LINGO2: variants seen among roughly 807,000 people sequenced by gnomAD.
LINGO2 encodes leucine-rich repeat and immunoglobulin-like domain-containing nogo receptor-interacting protein 2.
LINGO2 carries 14 observed loss-of-function variants against 30.6 expected under a neutral mutation model. That is an observed-to-expected ratio of 0.46 (90% CI 0.30 to 0.72). The LOEUF is 0.72. Among genes scored for constraint, LINGO2 ranks in the 30% least tolerant of loss-of-function variants. The pLI is 0.07. For missense variants in LINGO2, 729 were observed against 751.7 expected (o/e 0.97, Z 0.35); for synonymous variants, 317 against 288.5 (o/e 1.10, Z -1.00).
intron 1 of LINGO2, among the ~76,000 whole-genome samples, chr9:28,503,153 T>C (rs1444602433): frequency 6.6e-6 from 1 of 152,082 alleles, no homozygotes; most frequent in East Asian, 1.9e-4. Context: ...AGAAACACTT[T>C]CTGTATTACT....
intron 1 of LINGO2, among the ~76,000 whole-genome samples, chr9:28,512,659 A>C (rs1820456807): frequency 1.1e-5 from 1 of 92,704 alleles, no homozygotes. Context: ...ACACACACAC[A>C]CACATATGGA....
intron 1 of LINGO2, among the ~76,000 whole-genome samples, chr9:28,577,546 T>A (rs561271217): frequency 2.8e-4 from 43 of 152,282 alleles, no homozygotes; most frequent in African/African-American, 8.2e-4. Context: ...CTAATTTGAA[T>A]AATAAACTCC....
At chr9:28,992,224 T>G in the LINGO2 span, among the ~76,000 whole-genome samples, 120 of 151,734 alleles carry the variant, frequency 7.9e-4, 1 homozygote, top group Non-Finnish European at 1.4e-3. Context: ...TCCTAGTCTC[T>G]GATAAAACAG....
In LINGO2 at chr9:28,272,050, C is replaced by T. The variant is rs75256400; in HGVS notation, c.-87+23158G>A. Among the ~76,000 whole-genome samples, 1,515 of 152,288 alleles carry T rather than the reference C, an allele frequency of 9.9e-3. 33 individuals are homozygous for T. The highest frequency in any genetic ancestry group is 0.052 in the East Asian group (267 of 5,178). On this transcript the variant is annotated intron_variant, in intron 4 of 5. Coordinates refer to ENST00000379992, the Ensembl canonical transcript of LINGO2. ...TTAAAACAATTCCAGTCAACTAAGA[C>T]CTTTCCTGCATCCTTACTTCTTCCC...
the LINGO2 span, among the ~76,000 whole-genome samples, chr9:28,948,322 T>C: frequency 6.6e-6 from 1 of 152,090 alleles, no homozygotes; most frequent in African/African-American, 2.4e-5. Flanking sequence ...ATAAAAACCA[T>C]AATACAATAA....
chr9:27,975,847 T>TA (rs1406976450), intron 5 of LINGO2, among the ~76,000 whole-genome samples: 1 of 152,142 alleles, frequency 6.6e-6, no homozygotes, highest in Admixed American at 6.6e-5. Flanking sequence ...ATTTCCATTT[T>TA]AAAAAGTATA....
chr9:28,722,925 G>C, the LINGO2 span, among the ~76,000 whole-genome samples: 2 of 152,064 alleles, frequency 1.3e-5, no homozygotes, highest in African/African-American at 4.8e-5. Context: ...TCCACTGGCT[G>C]CTTATCACAT....
At chr9:28,734,841 T>G in the LINGO2 span, among the ~76,000 whole-genome samples, 40 of 152,306 alleles carry the variant, frequency 2.6e-4, no homozygotes, top group African/African-American at 9.1e-4. Flanking sequence ...GATGTATTTA[T>G]AGAATGGATT....
At chr9:29,195,134 T>G in the LINGO2 span, among the ~76,000 whole-genome samples, 2 of 150,992 alleles carry the variant, frequency 1.3e-5, no homozygotes, top group African/African-American at 2.4e-5. Flanking sequence ...GTATGTAAAC[T>G]TTTGAGATTG....
intron 4 of LINGO2, among the ~76,000 whole-genome samples, chr9:28,060,247 A>T (rs914772258): frequency 4.6e-5 from 7 of 152,158 alleles, no homozygotes; most frequent in Non-Finnish European, 8.8e-5. Context: ...TTGAATTCAG[A>T]TCAAAGAATG....
chr9:28,537,214 G>T (rs1438685422), intron 1 of LINGO2, among the ~76,000 whole-genome samples: 2 of 152,090 alleles, frequency 1.3e-5, no homozygotes, highest in Non-Finnish European at 2.9e-5. Context: ...CCAACAATGT[G>T]ATCTCAGACA....
At chr9:29,213,511 G>T in the LINGO2 span, among the ~76,000 whole-genome samples, 1 of 152,084 alleles carries the variant, frequency 6.6e-6, no homozygotes, top group Non-Finnish European at 1.5e-5. Flanking sequence ...GCCAGGTGAG[G>T]AGGCTTTGAG....
intron 4 of LINGO2, among the ~76,000 whole-genome samples, chr9:28,217,121 G>T (rs1019499930): frequency 6.7e-6 from 1 of 149,918 alleles, no homozygotes; most frequent in Non-Finnish European, 1.5e-5. Context: ...TATACTAAAT[G>T]TATACATATA....
At chr9:28,498,751 T>C (rs1181529654) in intron 1 of LINGO2, among the ~76,000 whole-genome samples, 1 of 152,158 alleles carries the variant, frequency 6.6e-6, no homozygotes, top group East Asian at 1.9e-4. Flanking sequence ...GCGTCGCTCA[T>C]GCTGGGAGCT....
the LINGO2 span, among the ~76,000 whole-genome samples, chr9:28,993,297 C>A: frequency 6.6e-6 from 1 of 152,076 alleles, no homozygotes; most frequent in East Asian, 1.9e-4. Flanking sequence ...ACACATACAC[C>A]CTCCCAAGAC....
At chr9:28,645,872 C>A (rs544777148) in intron 1 of LINGO2, among the ~76,000 whole-genome samples, 1 of 152,016 alleles carries the variant, frequency 6.6e-6, no homozygotes, top group Admixed American at 6.6e-5. Flanking sequence ...GAAGGCAGTG[C>A]GCAGATTGAT....
intron 3 of LINGO2, among the ~76,000 whole-genome samples, chr9:28,343,637 C>T (rs1464856030): frequency 6.6e-6 from 1 of 152,064 alleles, no homozygotes; most frequent in Non-Finnish European, 1.5e-5. Flanking sequence ...GAAAAAACAT[C>T]CATATTCTTG....
At chr9:28,537,979 G>A (rs1269666948) in intron 1 of LINGO2, among the ~76,000 whole-genome samples, 2 of 151,684 alleles carry the variant, frequency 1.3e-5, no homozygotes, top group African/African-American at 4.8e-5. Context: ...AATGACTGCC[G>A]GATTGACAGT....
the LINGO2 span, among the ~76,000 whole-genome samples, chr9:28,786,360 G>A: frequency 6.6e-6 from 1 of 152,134 alleles, no homozygotes; most frequent in African/African-American, 2.4e-5. Context: ...TTCACCAGAT[G>A]TAAGTTCAAA....
Sources: gnomAD v4.1 joint callset for allele counts (sites outside exome capture counted in the v4.1 genomes callset) on GRCh38, gnomAD v4.1.1 for gene constraint, MANE v1.5 for transcripts, NCBI Gene and HGNC (gene_info 2026-07-23, HGNC 2026-07-21) for gene names.